CEP112: variants seen among roughly 807,000 people sequenced by gnomAD.
CEP112 encodes the protein centrosomal protein of 112 kDa.
CEP112 carries 127 observed loss-of-function variants against 153.0 expected under a neutral mutation model. The ratio of observed to expected loss-of-function variants is 0.83; its 90% CI spans 0.72 to 0.96. The LOEUF is 0.96. Ranked by LOEUF, CEP112 falls within the 40% of genes least tolerant of loss-of-function variation. CEP112 has a pLI of 0.00. For synonymous variants in CEP112, 358 were observed against 374.4 expected (o/e 0.96, Z 0.51); for missense variants, 1,089 against 1,101.2 (o/e 0.99, Z 0.16).
intron 13 of CEP112, among the ~76,000 whole-genome samples, chr17:66,029,578 C>T (rs2065374243): frequency 6.6e-6 from 1 of 151,918 alleles, no homozygotes; most frequent in Non-Finnish European, 1.5e-5. Flanking sequence ...GTGGTGCATG[C>T]CTGCAGTCCT....
intron 23 of CEP112, among the ~76,000 whole-genome samples, chr17:65,730,758 C>T (rs1471046735): frequency 6.8e-6 from 1 of 147,934 alleles, no homozygotes; most frequent in African/African-American, 2.5e-5. Context: ...AAATATTCTA[C>T]AACCCCCACC....
intron 21 of CEP112, among the ~76,000 whole-genome samples, chr17:65,825,469 G>T (rs927055455): frequency 2.0e-5 from 3 of 152,136 alleles, no homozygotes; most frequent in African/African-American, 7.2e-5. Context: ...CAGCCCAGGG[G>T]CTGGGGACCC....
intron 12 of CEP112, among the ~76,000 whole-genome samples, chr17:66,036,598 T>C (rs1164175322): frequency 1.3e-5 from 2 of 152,104 alleles, no homozygotes; most frequent in Non-Finnish European, 2.9e-5. Context: ...AACTATGAGG[T>C]AGGTATCATT....
intron 24 of CEP112, among the ~76,000 whole-genome samples, chr17:65,666,289 T>C (rs968817420): frequency 6.6e-6 from 1 of 152,234 alleles, no homozygotes; most frequent in African/African-American, 2.4e-5. Context: ...TTAACCTCAA[T>C]GGACCTTCTC....
intron 17 of CEP112, among the ~76,000 whole-genome samples, chr17:65,970,010 G>T (rs940202085): frequency 6.6e-6 from 1 of 152,030 alleles, no homozygotes; most frequent in Non-Finnish European, 1.5e-5. Flanking sequence ...TATCACATGT[G>T]TATTGCGAAC....
chr17:65,810,385 A>G (rs2055877287), intron 21 of CEP112, among the ~76,000 whole-genome samples: 1 of 151,908 alleles, frequency 6.6e-6, no homozygotes, highest in South Asian at 2.1e-4. Flanking sequence ...AATATGGGTC[A>G]TTTCTGGGCC....
chr17:66,094,187 G>A (rs1159474346), intron 8 of CEP112, among the ~76,000 whole-genome samples: 1 of 152,054 alleles, frequency 6.6e-6, no homozygotes. Context: ...AGCCTCCTGA[G>A]TAGCTGGGAT....
At chr17:66,146,162 T>C (rs2070909667) in intron 4 of CEP112, among the ~76,000 whole-genome samples, 1 of 152,022 alleles carries the variant, frequency 6.6e-6, no homozygotes, top group South Asian at 2.1e-4. Flanking sequence ...CCTTCTCTAT[T>C]TCATGTAGGA....
chr17:65,783,847 C>T (rs2054129530), intron 21 of CEP112, among the ~76,000 whole-genome samples: 1 of 152,158 alleles, frequency 6.6e-6, no homozygotes, highest in Non-Finnish European at 1.5e-5. Flanking sequence ...CATAAAGTTC[C>T]TTTGATCGAC....
At chr17:65,763,095 G>T (rs1290821789) in intron 21 of CEP112, among the ~76,000 whole-genome samples, 1 of 151,952 alleles carries the variant, frequency 6.6e-6, no homozygotes, top group Non-Finnish European at 1.5e-5. Context: ...GATTCGTAGA[G>T]GTGTTTTCTC....
At chr17:65,680,791 T>C (rs1375760080) in intron 24 of CEP112, among the ~76,000 whole-genome samples, 1 of 152,124 alleles carries the variant, frequency 6.6e-6, no homozygotes, top group Non-Finnish European at 1.5e-5. Flanking sequence ...TCAGAAAACT[T>C]ACAATCATGG....
At chr17:66,034,970 T>TTTTGTGTGTGTG (rs1555777524) in intron 12 of CEP112, among the ~76,000 whole-genome samples, 2 of 96,758 alleles carry the variant, frequency 2.1e-5, no homozygotes. Flanking sequence ...AGCTAAGTTT[T>TTTTGTGTGTGTG]TGCATGTATA....
chr17:65,647,001 C>CACAA lies in CEP112; in HGVS notation c.2698-5940_2698-5937dup, dbSNP rs1394131033. ...TATACGACCAACTGAAGAAAACCTA[C>CACAA]ACAAATGCAACGTATATGTCTGACC... is the stretch of plus-strand genomic sequence containing the variant. On this transcript the variant is annotated intron_variant, in intron 24 of 26. Transcript: ENST00000535342. Among the ~76,000 whole-genome samples, 12 of 152,270 alleles carry CACAA rather than the reference C, an allele frequency of 7.9e-5. No individual in the cohort carries two copies. In the East Asian group the frequency reaches 1.7e-3, roughly 22 times the overall value.
intron 21 of CEP112, among the ~76,000 whole-genome samples, chr17:65,801,858 T>G (rs2055297623): frequency 6.6e-6 from 1 of 152,204 alleles, no homozygotes; most frequent in Non-Finnish European, 1.5e-5. Flanking sequence ...TTTCTATTAT[T>G]TTTCCCCCTG....
At chr17:65,672,341 C>A (rs2047027135) in intron 24 of CEP112, among the ~76,000 whole-genome samples, 1 of 151,964 alleles carries the variant, frequency 6.6e-6, no homozygotes, top group African/African-American at 2.4e-5. Context: ...GAGACTAATT[C>A]ATAAATTCAA....
intron 20 of CEP112, among the ~76,000 whole-genome samples, chr17:65,884,157 G>GA (rs1357305928): frequency 3.3e-5 from 5 of 151,838 alleles, no homozygotes; most frequent in Non-Finnish European, 7.4e-5. Context: ...CATGAATACA[G>GA]AAAAAAAAGT....
At chr17:65,933,819 T>C (rs915736544) in intron 18 of CEP112, among the ~76,000 whole-genome samples, 9 of 152,210 alleles carry the variant, frequency 5.9e-5, no homozygotes, top group Non-Finnish European at 7.3e-5. Context: ...GCTGTAAGTA[T>C]GGTGTGTAAA....
At chr17:65,707,025 C>G (rs1314126794) in intron 23 of CEP112, among the ~76,000 whole-genome samples, 2 of 152,196 alleles carry the variant, frequency 1.3e-5, no homozygotes, top group Non-Finnish European at 2.9e-5. Flanking sequence ...TTGCCACTAA[C>G]CCCTGTGGAT....
intron 24 of CEP112, among the ~76,000 whole-genome samples, chr17:65,663,090 T>C (rs2046478989): frequency 6.6e-6 from 1 of 152,210 alleles, no homozygotes; most frequent in Non-Finnish European, 1.5e-5. Flanking sequence ...TTGTATGATG[T>C]TAACTTTTTT....
Sources: allele counts gnomAD v4.1 joint callset (sites outside exome capture counted in the v4.1 genomes callset), GRCh38; gene constraint gnomAD v4.1.1; transcripts MANE v1.5; gene names NCBI Gene and HGNC (gene_info 2026-07-23, HGNC 2026-07-21).